The following MTUS2 variants were observed in gnomAD, a reference collection of about 807,000 sequenced individuals.
MTUS2 encodes the protein microtubule associated scaffold protein 2.
In MTUS2, 40 loss-of-function variants were observed where a neutral mutation model predicts 114.1. The observed-to-expected ratio is 0.35, with a 90% CI of 0.27 to 0.46. The LOEUF (loss-of-function observed/expected upper bound fraction) is 0.46. Among genes scored for constraint, MTUS2 ranks in the 20% least tolerant of loss-of-function variants. The probability of loss-of-function intolerance (pLI) is 1.00; values close to 1 mark genes in which losing one functional copy is unlikely to be tolerated. For synonymous variants in MTUS2, 688 were observed against 672.0 expected, an observed-to-expected ratio of 1.02 and a Z score of -0.37; for missense variants, 1,679 against 1,705.4, an observed-to-expected ratio of 0.98 and a Z score of 0.27.
At chr13:29,463,358 A>C (rs1225805415) in intron 9 of MTUS2, among the ~76,000 whole-genome samples, 1 of 152,218 alleles carries the variant, frequency 6.6e-6, no homozygotes, top group Non-Finnish European at 1.5e-5. Context: ...TAGAGCGGCC[A>C]CAGGAGACTC....
At chr13:28,934,643 C>T (rs1881795312) in intron 2 of MTUS2, among the ~76,000 whole-genome samples, 1 of 152,162 alleles carries the variant, frequency 6.6e-6, no homozygotes, top group African/African-American at 2.4e-5. Context: ...CCTGCCTCAG[C>T]CTCCTGAGTA....
intron 5 of MTUS2, among the ~76,000 whole-genome samples, chr13:29,215,646 C>T (rs1895649867): frequency 1.3e-5 from 2 of 152,060 alleles, no homozygotes; most frequent in Non-Finnish European, 1.5e-5. Flanking sequence ...TATTGCTGGT[C>T]TGCTGGAATT....
At chr13:28,895,459 C>T (rs974965259) in intron 2 of MTUS2, among the ~76,000 whole-genome samples, 1 of 152,158 alleles carries the variant, frequency 6.6e-6, no homozygotes, top group African/African-American at 2.4e-5. Context: ...TTTGGAACCA[C>T]ATAACTCCCC....
In MTUS2 at chr13:29,389,303, G is replaced by GTGTATATA. The variant is rs1372869851; in HGVS notation, c.3117+29837_3117+29844dup. Among the ~76,000 whole-genome samples the GTGTATATA allele has an allele frequency of 7.0e-5, 8 of 114,540 alleles. No homozygotes were observed. The South Asian group carries it at 1.6e-3, about 22-fold the overall frequency. 75.1% of individuals were successfully genotyped at this position (114,540 alleles called of 152,430 possible). A position where few individuals can be genotyped will look rare whatever the true frequency, so the allele number is the denominator to read the frequency against. On this transcript the variant is annotated intron_variant, in intron 8 of 15. Coordinates refer to ENST00000612955, the MANE Select transcript of MTUS2 (RefSeq NM_001033602.4). ...TATGTATACACATATGTGTGTATAT[G>GTGTATATA]TGTATATATGTATACACATATGTGT...
intron 2 of MTUS2, among the ~76,000 whole-genome samples, chr13:28,991,732 G>A (rs1055106718): frequency 2.6e-5 from 4 of 152,046 alleles, no homozygotes; most frequent in Non-Finnish European, 4.4e-5. Flanking sequence ...GCTCTGGGCT[G>A]GCAGGAGCTT....
At chr13:29,131,688 A>C (rs976873604) in intron 5 of MTUS2, among the ~76,000 whole-genome samples, 1 of 152,254 alleles carries the variant, frequency 6.6e-6, no homozygotes, top group Non-Finnish European at 1.5e-5. Context: ...TCTTTAGCTA[A>C]AGAAGCCTGG....
chr13:28,915,893 C>T (rs1028997394), intron 2 of MTUS2, among the ~76,000 whole-genome samples: 3 of 151,686 alleles, frequency 2.0e-5, no homozygotes, highest in African/African-American at 2.4e-5. Flanking sequence ...TGGAGCATTT[C>T]CCATATGTTT....
chr13:29,390,633 C>T (rs1398063354), intron 8 of MTUS2, among the ~76,000 whole-genome samples: 1 of 141,248 alleles, frequency 7.1e-6, no homozygotes, highest in Non-Finnish European at 1.5e-5. Context: ...GCCTGGGTGA[C>T]AGGGCGAGAC....
chr13:29,122,985 C>T (rs1891374099), intron 5 of MTUS2, among the ~76,000 whole-genome samples: 1 of 152,166 alleles, frequency 6.6e-6, no homozygotes, highest in African/African-American at 2.4e-5. Context: ...TGGTCTATAC[C>T]AGGTGCTAGA....
chr13:29,277,202 G>GT (rs1037068303), intron 5 of MTUS2, among the ~76,000 whole-genome samples: 6 of 152,094 alleles, frequency 3.9e-5, no homozygotes, highest in African/African-American at 1.2e-4. Flanking sequence ...TTGTTTTGAT[G>GT]TTTATTTTTT....
chr13:29,237,864 G>A (rs889076503), intron 5 of MTUS2, among the ~76,000 whole-genome samples: 1 of 152,124 alleles, frequency 6.6e-6, no homozygotes, highest in Non-Finnish European at 1.5e-5. Flanking sequence ...GAATGAGATA[G>A]CACCTCACAC....
chr13:29,393,181 A>G (rs1328417491), intron 8 of MTUS2, among the ~76,000 whole-genome samples: 3 of 152,108 alleles, frequency 2.0e-5, no homozygotes, highest in Non-Finnish European at 4.4e-5. Context: ...GACCTCTGTT[A>G]TTATTTTTGT....
At chr13:29,479,253 G>T (rs1267483575) in intron 9 of MTUS2, among the ~76,000 whole-genome samples, 6 of 151,806 alleles carry the variant, frequency 4.0e-5, no homozygotes, top group Non-Finnish European at 7.4e-5. Flanking sequence ...CTCGGCATTT[G>T]CATTTGGGTG....
intron 7 of MTUS2, among the ~76,000 whole-genome samples, chr13:29,332,433 A>G (rs926346182): frequency 3.2e-4 from 49 of 151,836 alleles, no homozygotes; most frequent in African/African-American, 1.1e-3. Flanking sequence ...TATTGCGTCT[A>G]TTTGATTCTT....
intron 4 of MTUS2, among the ~76,000 whole-genome samples, chr13:29,080,567 A>T (rs760432619): frequency 2.1e-4 from 32 of 152,216 alleles, no homozygotes; most frequent in Non-Finnish European, 4.1e-4. Context: ...GGCAGGAAGC[A>T]TCCAGCACAA....
At chr13:28,882,216 A>G (rs763934780) in intron 2 of MTUS2, among the ~76,000 whole-genome samples, 2 of 151,982 alleles carry the variant, frequency 1.3e-5, no homozygotes, top group African/African-American at 4.8e-5. Flanking sequence ...CATGCCATCC[A>G]CCTGGCAAAT....
intron 4 of MTUS2, among the ~76,000 whole-genome samples, chr13:29,043,230 A>AT (rs567980502): frequency 9.1e-4 from 138 of 152,158 alleles, no homozygotes; most frequent in African/African-American, 3.2e-3. Flanking sequence ...ATTTCCATGT[A>AT]TTTGCCTGCT....
intron 4 of MTUS2, among the ~76,000 whole-genome samples, chr13:29,044,569 G>T (rs183376739): frequency 1.1e-4 from 16 of 152,122 alleles, no homozygotes; most frequent in East Asian, 1.9e-4. Context: ...CATATATTAG[G>T]CCTCTTGGAG....
chr13:29,236,611 A>G (rs952096325), intron 5 of MTUS2, among the ~76,000 whole-genome samples: 3 of 152,244 alleles, frequency 2.0e-5, no homozygotes, highest in Admixed American at 6.5e-5. Flanking sequence ...ACAGTACACG[A>G]CCACCAACGC....
Sources: allele counts gnomAD v4.1 joint callset (sites outside exome capture counted in the v4.1 genomes callset), GRCh38; gene constraint gnomAD v4.1.1; transcripts MANE v1.5; gene names NCBI Gene and HGNC (gene_info 2026-07-23, HGNC 2026-07-21).